UBXN2A: variants seen among roughly 807,000 people sequenced by gnomAD.
UBXN2A encodes the protein UBX domain-containing protein 2A.
In UBXN2A, 28 loss-of-function variants were observed where a neutral mutation model predicts 28.4. That is an observed-to-expected ratio of 0.99 (90% CI 0.73 to 1.35). The LOEUF (loss-of-function observed/expected upper bound fraction) is 1.35. UBXN2A is among the 40% of genes most tolerant of loss of function. The pLI is 0.00. For missense variants in UBXN2A, 253 were observed against 297.9 expected, an observed-to-expected ratio of 0.85 and a Z score of 1.11; for synonymous variants, 97 against 103.6, an observed-to-expected ratio of 0.94 and a Z score of 0.39.
At chr2:23,996,009 C>T (rs1448217708) in intron 6 of UBXN2A, among the ~76,000 whole-genome samples, 1 of 151,834 alleles carries the variant, frequency 6.6e-6, no homozygotes, top group Non-Finnish European at 1.5e-5. Context: ...AGCAATTCTC[C>T]TGCCTCAGCC....
At chr2:23,991,443 ATATAT>A (rs1168110176) in intron 6 of UBXN2A, among the ~76,000 whole-genome samples, 4 of 151,680 alleles carry the variant, frequency 2.6e-5, no homozygotes, top group African/African-American at 4.8e-5. Context: ...ATACATATAT[ATATAT>A]TATATTTTTT....
chr2:23,999,756 C>T lies in UBXN2A; in HGVS notation c.669C>T (p.Val223=). 1 of 1,614,142 alleles carries T rather than the reference C, an allele frequency of 6.2e-7. No homozygotes were observed. The change falls in exon 7 of 7, where the codon GTC becomes GTT. Residue 223 remains valine, a synonymous_variant. Coordinates refer to ENST00000309033, the MANE Select transcript of UBXN2A (RefSeq NM_181713.4). ...PPFSLATALP[V]LRLLDETLTL... ...TTTCCCTGGCAACAGCTCTTCCTGT[C>T]CTCAGGTTGCTAGATGAGACACTCA...
chr2:23,966,729 G>C (rs1337658371), intron 2 of UBXN2A, among the ~76,000 whole-genome samples: 1 of 148,816 alleles, frequency 6.7e-6, no homozygotes, highest in Non-Finnish European at 1.5e-5. Context: ...AGGATTACAG[G>C]CGTGAGCCAC....
intron 1 of UBXN2A, among the ~76,000 whole-genome samples, chr2:23,956,048 A>G (rs1028032408): frequency 6.6e-6 from 1 of 152,206 alleles, no homozygotes; most frequent in African/African-American, 2.4e-5. Context: ...TATTTTTAGT[A>G]GAGATGGGTT....
At chr2:23,971,241 A>T (rs778924395) in intron 2 of UBXN2A, 35 bp from the exon 3 acceptor site, 7 of 1,504,438 alleles carry the variant, frequency 4.7e-6, no homozygotes, top group South Asian at 1.4e-5. Flanking sequence ...GAGACCTAAT[A>T]GTTAATAGTG....
chr2:23,956,099 AGT>A (rs1160027452), intron 1 of UBXN2A, among the ~76,000 whole-genome samples: 1 of 151,702 alleles, frequency 6.6e-6, no homozygotes, highest in Non-Finnish European at 1.5e-5. Flanking sequence ...CCTGGCCTGA[AGT>A]GATCCAACTG....
rs1331323387 is a variant in UBXN2A at position 24,001,218 on chromosome 2, G to C, written c.*1351G>C. 1 of 152,178 alleles carries C rather than the reference G, an allele frequency of 6.6e-6. No homozygotes were observed. Among genetic ancestry groups the C allele is most frequent in the African/African-American group, 2.4e-5 (1 of 41,450 alleles). 9.4% of individuals were successfully genotyped at this position (152,178 alleles called of 1,614,324 possible). ...TTGGTCAGGCTGGTCTCGAACTCCC[G>C]ACCTCAGGGGATCTGCCTGCCTAGG... On this transcript the variant is annotated 3_prime_UTR_variant, in exon 7 of 7. Transcript: ENST00000309033.
At chr2:23,951,161 A>G (rs1706342000) in intron 1 of UBXN2A, among the ~76,000 whole-genome samples, 1 of 152,014 alleles carries the variant, frequency 6.6e-6, no homozygotes, top group African/African-American at 2.4e-5. Flanking sequence ...ATTTTGAAGC[A>G]TACAGTATTA....
chr2:23,982,795 T>A, intron 4 of UBXN2A, 101 bp from the exon 5 acceptor site: 1 of 1,220,562 alleles, frequency 8.2e-7, no homozygotes, highest in Non-Finnish European at 1.1e-6. Context: ...ATTATATATT[T>A]CTGTATATTT....
intron 5 of UBXN2A, among the ~76,000 whole-genome samples, chr2:23,983,544 A>T (rs781202794): frequency 1.1e-4 from 16 of 152,326 alleles, no homozygotes; most frequent in South Asian, 2.1e-4. Context: ...GTAAAAAATC[A>T]TGCAGGCTTT....
chr2:23,992,097 G>A (rs1268905777), intron 6 of UBXN2A, among the ~76,000 whole-genome samples: 1 of 152,062 alleles, frequency 6.6e-6, no homozygotes, highest in Non-Finnish European at 1.5e-5. Flanking sequence ...TCAGCCTCCC[G>A]AGTAGCTGGG....
intron 3 of UBXN2A, among the ~76,000 whole-genome samples, chr2:23,974,191 G>T (rs559629263): frequency 6.9e-6 from 1 of 145,898 alleles, no homozygotes; most frequent in Non-Finnish European, 1.5e-5. Flanking sequence ...ATTTTTTTTT[G>T]TATTTTTAGT....
At chr2:23,982,872 C>T in intron 4 of UBXN2A, 24 bp from the exon 5 acceptor site, 2 of 1,573,120 alleles carry the variant, frequency 1.3e-6, no homozygotes, top group Non-Finnish European at 1.7e-6. Flanking sequence ...GGAGCTTTAT[C>T]ATTTTCTTTC....
At chr2:23,966,178 C>T (rs1359189182) in intron 2 of UBXN2A, among the ~76,000 whole-genome samples, 2 of 151,632 alleles carry the variant, frequency 1.3e-5, no homozygotes, top group Admixed American at 6.6e-5. Flanking sequence ...CTCTCTTTGT[C>T]GCCAGGCTGG....
upstream of UBXN2A, among the ~76,000 whole-genome samples, chr2:23,937,125 G>A (rs1348579539): frequency 6.6e-6 from 1 of 152,156 alleles, no homozygotes; most frequent in Non-Finnish European, 1.5e-5. Flanking sequence ...CTCCGAAAGT[G>A]CTGAGATTAC....
At chr2:23,998,531 C>T (rs913690346) in intron 6 of UBXN2A, among the ~76,000 whole-genome samples, 7 of 152,018 alleles carry the variant, frequency 4.6e-5, no homozygotes, top group Admixed American at 4.6e-4. Flanking sequence ...CAAGCTTGGC[C>T]AACATGGCAA....
At chr2:23,981,679 A>T (rs775173014) in intron 4 of UBXN2A, among the ~76,000 whole-genome samples, 1 of 150,124 alleles carries the variant, frequency 6.7e-6, no homozygotes, top group Non-Finnish European at 1.5e-5. Context: ...AGATCACTTG[A>T]GCCTAGGAGC....
intron 1 of UBXN2A, among the ~76,000 whole-genome samples, chr2:23,930,507 T>C (rs1473828502): frequency 6.6e-6 from 1 of 151,980 alleles, no homozygotes; most frequent in African/African-American, 2.4e-5. Flanking sequence ...CTCTGAGAGG[T>C]AGTGACCCCT....
rs149786529 is a variant in UBXN2A, at chr2:23,954,666, T to G, written c.-14-3635T>G. Among the ~76,000 whole-genome samples, 149 of 152,306 alleles carry G rather than the reference T, an allele frequency of 9.8e-4. 1 individual carries two copies. Among genetic ancestry groups the G allele is most frequent in the Non-Finnish European group, 1.7e-3 (118 of 68,018 alleles). ...TGTGTTTCCTAGGAACTATTGATTT[T>G]GAGCATCTTTTCACGTGCTTATTGG... is the stretch of plus-strand genomic sequence containing the variant. On this transcript the variant is annotated intron_variant, in intron 1 of 6. Coordinates refer to ENST00000309033, the MANE Select transcript of UBXN2A (RefSeq NM_181713.4).
Sources: allele counts gnomAD v4.1 joint callset (sites outside exome capture counted in the v4.1 genomes callset), GRCh38; gene constraint gnomAD v4.1.1; transcripts MANE v1.5; gene names NCBI Gene and HGNC (gene_info 2026-07-23, HGNC 2026-07-21).